The following PLBD1 variants were observed in gnomAD, a reference collection of about 807,000 sequenced individuals.
PLBD1 encodes the protein phospholipase B domain containing 1, also known as lysosomal leucine aminopeptidase.
Under a neutral mutation model 63.0 loss-of-function variants are expected in PLBD1, and 60 were observed. The ratio of observed to expected loss-of-function variants is 0.95; its 90% confidence interval spans 0.77 to 1.18. The LOEUF (loss-of-function observed/expected upper bound fraction) is 1.18. Ranked by LOEUF, PLBD1 falls within the 50% of genes most tolerant of loss-of-function variation. The pLI, the probability that PLBD1 is intolerant of heterozygous loss-of-function variation, is 0.00. For synonymous variants in PLBD1, 262 were observed against 248.0 expected, an observed-to-expected ratio of 1.06 and a Z score of -0.53; for missense variants, 598 against 677.9, an observed-to-expected ratio of 0.88 and a Z score of 1.31.
intron 6 of PLBD1, among the ~76,000 whole-genome samples, chr12:14,532,393 T>C (rs1945472742): frequency 6.6e-6 from 1 of 152,162 alleles, no homozygotes; most frequent in Admixed American, 6.5e-5. Context: ...GTGGAGCTCA[T>C]AGGTCGAAGT....
chr12:14,550,907 G>A (rs1279843329), intron 2 of PLBD1, among the ~76,000 whole-genome samples: 1 of 151,888 alleles, frequency 6.6e-6, no homozygotes, highest in Non-Finnish European at 1.5e-5. Context: ...TTTGAATGTG[G>A]TGGCTCACAC....
At chr12:14,542,915 C>T (rs912447979) in intron 2 of PLBD1, among the ~76,000 whole-genome samples, 15 of 152,034 alleles carry the variant, frequency 9.9e-5, no homozygotes, top group East Asian at 3.9e-4. Context: ...GGCGTGGTGG[C>T]GGGCGCCTGT....
chr12:14,537,856 T>A (rs1945532099), intron 4 of PLBD1, among the ~76,000 whole-genome samples: 2 of 147,482 alleles, frequency 1.4e-5, no homozygotes, highest in South Asian at 4.5e-4. Context: ...TTAAAAAAAA[T>A]TATAACAAAG....
chr12:14,545,962 A>G (rs868378396), intron 2 of PLBD1, among the ~76,000 whole-genome samples: 185 of 152,318 alleles, frequency 1.2e-3, no homozygotes, highest in African/African-American at 4.3e-3. Context: ...AAGAACAGCA[A>G]TAAAGCTAGA....
intron 6 of PLBD1, among the ~76,000 whole-genome samples, chr12:14,521,679 C>A (rs4763387): frequency 0.97 from 148,379 of 152,206 alleles, 72,384 homozygotes; most frequent in East Asian, 1. Flanking sequence ...CAACTCTATA[C>A]AACTGGAAGA....
chr12:14,567,761 T>A lies in PLBD1; in HGVS notation c.-65A>T. 7.2e-7 allele frequency: 1 copy of A among 1,381,028 alleles called. No individual in the cohort carries two copies. The highest frequency in any genetic ancestry group is 9.3e-7 in the Non-Finnish European group (1 of 1,078,934). 85.5% of individuals were successfully genotyped at this position (1,381,028 alleles called of 1,614,324 possible). On this transcript the variant is annotated 5_prime_UTR_variant, in exon 1 of 11. Transcript: ENST00000240617. ...CCGCGGTGGCCCGCGGTGGCAGAAGTTGCAAGAGAGGCTCCTGGCCTACTC... is the reference window on the plus strand; with the variant it reads ...CCGCGGTGGCCCGCGGTGGCAGAAGATGCAAGAGAGGCTCCTGGCCTACTC...
intron 5 of PLBD1, chr12:14,536,167 C>CGG: frequency 8.0e-6 from 2 of 250,268 alleles, no homozygotes; most frequent in South Asian, 5.9e-5. Flanking sequence ...GGCATGGTGG[C>CGG]ACACCCATGT....
chr12:14,504,363 CAA>C (rs1945233043), intron 10 of PLBD1, among the ~76,000 whole-genome samples: 1 of 152,154 alleles, frequency 6.6e-6, no homozygotes, highest in African/African-American at 2.4e-5. Context: ...TTCTTTAAAA[CAA>C]AATTTTCTTG....
At position 14,543,570 on chromosome 12, in the gene PLBD1, A is replaced by C. The variant is rs183694104; in HGVS notation, c.336-1279T>G. ...CGTCTCTACTAAAAATACACACACA[A>C]AAAAATTAGCTGGCCCTGGAGGCGT... On this transcript the variant is annotated intron_variant, in intron 2 of 10. Transcript: ENST00000240617. Among the ~76,000 whole-genome samples the C allele has an allele frequency of 8.6e-3, 1,314 of 151,958 alleles. 11 individuals are homozygous for C. Among genetic ancestry groups the C allele is most frequent in the Non-Finnish European group, 0.014 (928 of 67,950 alleles).
At chr12:14,506,432 G>T (rs1945256850) in intron 9 of PLBD1, among the ~76,000 whole-genome samples, 164 bp from the exon 10 acceptor site, 1 of 152,208 alleles carries the variant, frequency 6.6e-6, no homozygotes, top group South Asian at 2.1e-4. Context: ...CCCTTGGCTT[G>T]TGAGGAAGGA....
chr12:14,513,881 G>A (rs1413326567), intron 6 of PLBD1, among the ~76,000 whole-genome samples: 1 of 151,146 alleles, frequency 6.6e-6, no homozygotes, highest in Non-Finnish European at 1.5e-5. Flanking sequence ...CTGGGTTCAC[G>A]CCATTCTCCT....
chr12:14,536,474 T>TA, intron 5 of PLBD1, 96 bp downstream of exon 5: 1 of 1,369,678 alleles, frequency 7.3e-7, no homozygotes. Context: ...GATATACAGT[T>TA]ATAGCCAGGG....
intron 1 of PLBD1, among the ~76,000 whole-genome samples, chr12:14,562,831 A>G (rs981409433): frequency 2.6e-5 from 4 of 152,196 alleles, no homozygotes; most frequent in Admixed American, 2.0e-4. Flanking sequence ...CTGTCTCCAT[A>G]GTTAATGCCT....
rs765095156 is a variant in PLBD1, at chr12:14,536,578, G to T, written c.691C>A (p.Leu231Ile). 6.2e-7 allele frequency: 1 copy of T among 1,614,158 alleles called. No individual in the cohort carries two copies. Among genetic ancestry groups the T allele is most frequent in the South Asian group, 1.1e-5 (1 of 91,066 alleles). ...KRWDMGHCSA[L>I]IKVLPGFENI... The stretch of plus-strand genomic sequence containing the variant: ...GAGCTGCTATGTCTTACCTTGATAA[G>T]AGCGGAGCAATGTCCCATGTCCCAT... Residue 231 changes from leucine (L) to isoleucine (I), a missense_variant, in exon 5 of 11, where the codon CTT becomes ATT. By Grantham distance (5) the Leu-to-Ile change is conservative. Coordinates refer to ENST00000240617, the MANE Select transcript of PLBD1 (RefSeq NM_024829.6).
intron 1 of PLBD1, among the ~76,000 whole-genome samples, chr12:14,555,366 C>T (rs978328805): frequency 3.3e-5 from 5 of 152,072 alleles, no homozygotes; most frequent in Admixed American, 6.6e-5. Context: ...GGAGAAACCT[C>T]GTCTCTACTA....
At chr12:14,536,826 C>T (rs928976114) in intron 4 of PLBD1, 116 bp from the exon 5 acceptor site, 48 of 1,347,050 alleles carry the variant, frequency 3.6e-5, no homozygotes, top group Middle Eastern at 5.4e-4. Context: ...TGGTGGCTCA[C>T]GCCTGTAATC....
intron 6 of PLBD1, among the ~76,000 whole-genome samples, chr12:14,520,539 C>CA (rs367625410): frequency 0.012 from 1,765 of 145,568 alleles, 20 homozygotes; most frequent in African/African-American, 0.044. Flanking sequence ...CATTTCCCTA[C>CA]AAAAAAAAAG....
chr12:14,548,107 T>C (rs779860223), intron 2 of PLBD1, among the ~76,000 whole-genome samples: 4 of 152,214 alleles, frequency 2.6e-5, no homozygotes, highest in Non-Finnish European at 4.4e-5. Flanking sequence ...TCGTCATTGG[T>C]ATTTTATGGT....
intron 8 of PLBD1, among the ~76,000 whole-genome samples, chr12:14,510,562 A>G (rs1945290208): frequency 6.6e-6 from 1 of 152,210 alleles, no homozygotes; most frequent in South Asian, 2.1e-4. Context: ...ACAATTTTGG[A>G]ATTTTAAAAT....
Sources: allele counts gnomAD v4.1 joint callset (sites outside exome capture counted in the v4.1 genomes callset), GRCh38; gene constraint gnomAD v4.1.1; transcripts MANE v1.5; gene names NCBI Gene and HGNC (gene_info 2026-07-23, HGNC 2026-07-21).